Variants in NCAPD3 observed in about 807,000 individuals in gnomAD.
NCAPD3 encodes condensin-2 complex subunit D3.
A neutral mutation model predicts 182.9 loss-of-function variants in NCAPD3; 105 were observed. That is an observed-to-expected ratio of 0.57 (90% CI 0.49 to 0.68). NCAPD3 has a LOEUF of 0.68. Ranked by LOEUF, NCAPD3 falls within the 30% of genes least tolerant of loss-of-function variation. The pLI, the probability that NCAPD3 is intolerant of heterozygous loss-of-function variation, is 0.00. For synonymous variants in NCAPD3, 815 were observed against 679.9 expected (o/e 1.20, Z -3.09); for missense variants, 1,944 against 1,837.0 (o/e 1.06, Z -1.07).
At chr11:134,165,423 A>C (rs766724278) in intron 27 of NCAPD3, among the ~76,000 whole-genome samples, 4 of 144,582 alleles carry the variant, frequency 2.8e-5, no homozygotes, top group East Asian at 2.1e-4. Context: ...TTAGGGGAAG[A>C]AGCACACTCG....
chr11:134,184,518 G>A lies in NCAPD3; in HGVS notation c.2451+119C>T, dbSNP rs553597014. 4.7e-5 allele frequency: 31 copies of A among 662,000 alleles called. 1 individual carries two copies. The highest frequency in any genetic ancestry group is 1.3e-4 in the African/African-American group (7 of 54,396). 41.0% of individuals were successfully genotyped at this position (662,000 alleles called of 1,614,324 possible). ...CTTGCCTTGTTGCGGCAATAGCTGC[G>A]GGGGACATCCTTACACGTCCTCTTA... On this transcript the variant is annotated intron_variant, in intron 19 of 34. Transcript: ENST00000534548.
At chr11:134,182,610 G>A (rs1394601098) in intron 19 of NCAPD3, among the ~76,000 whole-genome samples, 1 of 152,072 alleles carries the variant, frequency 6.6e-6, no homozygotes, top group Non-Finnish European at 1.5e-5. Flanking sequence ...CACTGATACT[G>A]AACTATCAGC....
At chr11:134,153,495 C>A in intron 32 of NCAPD3, 132 bp from the exon 33 acceptor site, 1 of 883,892 alleles carries the variant, frequency 1.1e-6, no homozygotes, top group Non-Finnish European at 1.9e-6. Context: ...CTCCACTGGA[C>A]CCTGTCCCAG....
intron 13 of NCAPD3, among the ~76,000 whole-genome samples, chr11:134,198,938 T>TA (rs1485922105): frequency 6.6e-6 from 1 of 152,060 alleles, no homozygotes; most frequent in Non-Finnish European, 1.5e-5. Context: ...TGATACAAAT[T>TA]AAAGACCGAA....
intron 27 of NCAPD3, among the ~76,000 whole-genome samples, chr11:134,163,448 C>T (rs998677955): frequency 6.6e-6 from 1 of 152,000 alleles, no homozygotes; most frequent in Non-Finnish European, 1.5e-5. Context: ...GCCTGTAATC[C>T]CAGCACTTTG....
intron 1 of NCAPD3, chr11:134,223,386 G>T (rs181352976): frequency 8.5e-6 from 6 of 701,956 alleles, no homozygotes; most frequent in African/African-American, 1.7e-5. Context: ...TGACTCCTGG[G>T]TTGGTGGCTT....
chr11:134,170,595 T>C (rs1390615069), intron 24 of NCAPD3, among the ~76,000 whole-genome samples: 2 of 152,256 alleles, frequency 1.3e-5, no homozygotes, highest in Non-Finnish European at 1.5e-5. Flanking sequence ...TCAGCAAATC[T>C]TCCACAAGAA....
intron 4 of NCAPD3, 125 bp from the exon 5 acceptor site, chr11:134,209,602 C>T: frequency 1.2e-6 from 1 of 868,130 alleles, no homozygotes; most frequent in Non-Finnish European, 1.7e-6. Context: ...GGTGATATGA[C>T]TTTGACCAGG....
At position 134,174,019 on chromosome 11, in the gene NCAPD3, G is replaced by GA. The variant is rs1001934155; in HGVS notation, c.3101+2287dup. On this transcript the variant is annotated intron_variant, in intron 24 of 34. Coordinates refer to ENST00000534548, the MANE Select transcript of NCAPD3 (RefSeq NM_015261.3). The stretch of plus-strand genomic sequence containing the variant: ...CAAAAACAAAACCCAGAACCTCTAA[G>GA]AAAAAAAAAGTCATAAAAAATTCAA... Among the ~76,000 whole-genome samples the GA allele has an allele frequency of 5.3e-5, 8 of 150,242 alleles. No individual in the cohort carries two copies. In the East Asian group the frequency reaches 5.9e-4, roughly 11 times the overall value.
chr11:134,153,083 A>G, intron 34 of NCAPD3, 31 bp from the exon 35 acceptor site: 29 of 1,611,834 alleles, frequency 1.8e-5, no homozygotes, highest in Non-Finnish European at 2.3e-5. Flanking sequence ...GTCATTCTGG[A>G]ACTCAGAAAA....
chr11:134,180,303 G>A (rs577571216), intron 20 of NCAPD3, among the ~76,000 whole-genome samples: 1 of 152,180 alleles, frequency 6.6e-6, no homozygotes, highest in South Asian at 2.1e-4. Context: ...AGGCCAACAA[G>A]CAGAAACTGA....
intron 32 of NCAPD3, among the ~76,000 whole-genome samples, chr11:134,154,477 A>ACCC (rs376790927): frequency 9.3e-5 from 7 of 75,602 alleles, no homozygotes; most frequent in African/African-American, 3.6e-4. Context: ...GCTTCTCTGC[A>ACCC]CCCCCCCCCC....
At chr11:134,161,108 T>C (rs1425948476) in intron 28 of NCAPD3, among the ~76,000 whole-genome samples, 1 of 152,168 alleles carries the variant, frequency 6.6e-6, no homozygotes, top group African/African-American at 2.4e-5. Flanking sequence ...TGTTGAGGCC[T>C]TTATTGGAAA....
intron 16 of NCAPD3, among the ~76,000 whole-genome samples, chr11:134,188,780 C>G (rs1248820917): frequency 2.0e-5 from 3 of 152,170 alleles, no homozygotes; most frequent in Admixed American, 2.0e-4. Flanking sequence ...CGAAGGTCTG[C>G]GGCTTTATTC....
intron 13 of NCAPD3, among the ~76,000 whole-genome samples, chr11:134,195,679 C>T (rs1291117850): frequency 6.6e-6 from 1 of 151,858 alleles, no homozygotes; most frequent in African/African-American, 2.4e-5. Flanking sequence ...CCCAGGAGTT[C>T]GAGTCCAGCC....
chr11:134,208,815 T>C (rs1591859715), intron 7 of NCAPD3, 49 bp downstream of exon 7: 1 of 1,239,302 alleles, frequency 8.1e-7, no homozygotes, highest in Admixed American at 1.8e-5. Flanking sequence ...ATATGGTTCA[T>C]GTGCCTTCGA....
In NCAPD3 at chr11:134,178,692, G is replaced by T. The variant is rs75363476; in HGVS notation, c.2724C>A (p.Pro908=). The change falls in exon 22 of 35, where the codon CCC becomes CCA. Residue 908 remains proline (P), a synonymous_variant. Coordinates refer to ENST00000534548, the MANE Select transcript of NCAPD3 (RefSeq NM_015261.3). The part of the protein sequence containing the change: ...SSEAPASQPP[P]QVRGSVMPSV... ...AGGGCATGACAGAACCTCTGACCTG[G>T]GGGGGTGGCTGAGACGCTGGGGCCT... The T allele has an allele frequency of 1.1e-5, 18 of 1,601,190 alleles. No homozygotes were observed. The highest frequency in any genetic ancestry group is 2.7e-5 in the African/African-American group (2 of 74,692).
intron 13 of NCAPD3, among the ~76,000 whole-genome samples, chr11:134,197,122 G>C (rs140778154): frequency 3.9e-5 from 6 of 152,170 alleles, no homozygotes; most frequent in Non-Finnish European, 7.4e-5. Context: ...CTCCCACCAT[G>C]TGAAACGCCT....
chr11:134,178,695 G>C lies in NCAPD3; in HGVS notation c.2721C>G (p.Pro907=), dbSNP rs1343116116. ...GSSEAPASQP[P]PQVRGSVMPS... is the part of the protein sequence containing the mutation. Reference sequence around the variant, plus strand: ...GCATGACAGAACCTCTGACCTGGGGGGGTGGCTGAGACGCTGGGGCCTCAC... The same window carrying C: ...GCATGACAGAACCTCTGACCTGGGGCGGTGGCTGAGACGCTGGGGCCTCAC... The change falls in exon 22 of 35, where the codon CCC becomes CCG. Residue 907 remains proline (P), a synonymous_variant. Transcript: ENST00000534548. The C allele has an allele frequency of 1.2e-6, 2 of 1,601,580 alleles. No individual in the cohort carries two copies. The highest frequency in any genetic ancestry group is 1.7e-6 in the Non-Finnish European group (2 of 1,172,306).
Sources: allele counts gnomAD v4.1 joint callset (sites outside exome capture counted in the v4.1 genomes callset), GRCh38; gene constraint gnomAD v4.1.1; transcripts MANE v1.5; gene names NCBI Gene and HGNC (gene_info 2026-07-23, HGNC 2026-07-21).